Variants in GPR176 observed in about 807,000 individuals in gnomAD.
The protein encoded by GPR176 is G protein-coupled receptor 176.
A neutral mutation model predicts 35.4 loss-of-function variants in GPR176; 26 were observed. The ratio of observed to expected loss-of-function variants is 0.74; its 90% CI spans 0.54 to 1.02. GPR176 has a LOEUF of 1.02. Ranked by LOEUF, GPR176 falls within the 50% of genes least tolerant of loss-of-function variation. The probability of loss-of-function intolerance (pLI) is 0.00; values close to 1 mark genes in which losing one functional copy is unlikely to be tolerated. For synonymous variants in GPR176, 278 were observed against 271.3 expected (o/e 1.02, Z -0.24); for missense variants, 597 against 665.3 (o/e 0.90, Z 1.13).
At chr15:39,859,741 T>C (rs1254068508) in intron 1 of GPR176, among the ~76,000 whole-genome samples, 2 of 152,154 alleles carry the variant, frequency 1.3e-5, no homozygotes, top group East Asian at 1.9e-4. Context: ...ATCCCACTTA[T>C]ATGAGGTACC....
intron 1 of GPR176, among the ~76,000 whole-genome samples, chr15:39,903,494 A>G (rs144301365): frequency 2.6e-5 from 4 of 152,142 alleles, no homozygotes; most frequent in Non-Finnish European, 4.4e-5. Context: ...CCAGACAAAC[A>G]GGGAGAAGAA....
In GPR176 at chr15:39,801,248, G is replaced by C. The variant is rs200518627; in HGVS notation, c.1432C>G (p.Pro478Ala). The C allele has an allele frequency of 8.1e-6, 13 of 1,614,040 alleles. No individual in the cohort carries two copies. The highest frequency in any genetic ancestry group is 3.3e-5 in the South Asian group (3 of 91,088). ...AGCTCTTCTGGGGTGTTGCCCAAGG[G>C]GGGAAGCAGCCGCTTCTTGCTGTTT... ...TRNSKKRLLP[P>A]LGNTPEELIQ... Residue 478 changes from proline (P) to alanine (A), a missense_variant, in exon 3 of 3, where the codon CCC (proline) becomes GCC (alanine). By Grantham distance (27) the Pro-to-Ala change is conservative (BLOSUM62 -1). This residue lies in a region of GPR176 where 251 missense variants were observed against 255.4 expected (regional missense o/e 0.98). Transcript: ENST00000561100.
intron 1 of GPR176, among the ~76,000 whole-genome samples, chr15:39,856,505 C>T (rs2031230685): frequency 6.6e-6 from 1 of 152,196 alleles, no homozygotes; most frequent in South Asian, 2.1e-4. Context: ...TGGGGCATGG[C>T]TGCAGTCATC....
intron 1 of GPR176, among the ~76,000 whole-genome samples, chr15:39,913,220 G>C (rs979272186): frequency 6.6e-6 from 1 of 152,202 alleles, no homozygotes; most frequent in Non-Finnish European, 1.5e-5. Flanking sequence ...CATATTGTGT[G>C]ACAGATCTAT....
intron 1 of GPR176, among the ~76,000 whole-genome samples, chr15:39,821,445 G>T (rs539591703): frequency 6.6e-6 from 1 of 152,262 alleles, no homozygotes; most frequent in Admixed American, 6.5e-5. Flanking sequence ...GTTTCCATTA[G>T]TCTTGCCCTT....
intron 1 of GPR176, chr15:39,807,558 T>C: frequency 6.6e-7 from 1 of 1,519,720 alleles, no homozygotes; most frequent in Non-Finnish European, 8.8e-7. Flanking sequence ...AACAATTTGC[T>C]AGTTATTACT....
At chr15:39,870,350 G>A (rs1327849124) in intron 1 of GPR176, among the ~76,000 whole-genome samples, 4 of 152,088 alleles carry the variant, frequency 2.6e-5, no homozygotes, top group Admixed American at 2.6e-4. Context: ...TGGATATCTT[G>A]GGGGCCTACT....
chr15:39,919,018 C>T (rs934343757), intron 1 of GPR176, among the ~76,000 whole-genome samples: 2 of 152,202 alleles, frequency 1.3e-5, no homozygotes, highest in Non-Finnish European at 2.9e-5. Flanking sequence ...GTATGTTCAA[C>T]AGACCTTAAT....
intron 1 of GPR176, among the ~76,000 whole-genome samples, chr15:39,848,888 C>A (rs1595476839): frequency 7.4e-6 from 1 of 135,304 alleles, no homozygotes. Flanking sequence ...GATAAGCTCC[C>A]AACTCAAAAA....
intron 1 of GPR176, among the ~76,000 whole-genome samples, chr15:39,893,869 C>G (rs2032977360): frequency 6.9e-6 from 1 of 144,802 alleles, no homozygotes; most frequent in Admixed American, 6.7e-5. Context: ...GCAGAGGCGC[C>G]CCTCACCTCC....
chr15:39,850,556 G>A (rs754006895), intron 1 of GPR176, among the ~76,000 whole-genome samples: 3 of 152,168 alleles, frequency 2.0e-5, no homozygotes, highest in Admixed American at 6.6e-5. Flanking sequence ...AGGGGTTAAG[G>A]AGAGGGTTAA....
Position 39,801,766 on chromosome 15 carries a change from G to A in GPR176, c.914C>T (p.Ala305Val), listed in dbSNP as rs1232580434. The change falls in exon 3 of 3, where the codon GCT (alanine) becomes GTT (valine). Residue 305 changes from alanine (A) to valine (V), a missense_variant. Physicochemically the swap from Ala to Val is moderately conservative, Grantham distance 64. This residue lies in a region of GPR176 where 220 missense variants were observed against 297.6 expected (regional missense o/e 0.74). Coordinates refer to ENST00000561100, the MANE Select transcript of GPR176 (RefSeq NM_007223.3). ...PDTSVFLLLT[A>V]VWLPKVSLLA... is the part of the protein sequence containing the mutation. ...CAGGGAGACTTTGGGCAGCCAAACA[G>A]CAGTGAGCAGCAAGAAGACGGAAGT... The A allele has an allele frequency of 1.9e-6, 3 of 1,613,760 alleles. No individual in the cohort carries two copies. The highest frequency in any genetic ancestry group is 1.3e-5 in the African/African-American group (1 of 74,896).
intron 2 of GPR176, among the ~76,000 whole-genome samples, 199 bp downstream of exon 2, chr15:39,806,807 G>A (rs1595433250): frequency 6.6e-6 from 1 of 152,222 alleles, no homozygotes; most frequent in South Asian, 2.1e-4. Flanking sequence ...TTCTCTCAAT[G>A]GTTTTATTTT....
In GPR176 at chr15:39,801,656, A is replaced by G. The variant is rs1183203985; in HGVS notation, c.1024T>C (p.Tyr342His). 9 of 1,613,978 alleles carry G rather than the reference A, an allele frequency of 5.6e-6. No homozygotes were observed. The highest frequency in any genetic ancestry group is 7.6e-6 in the Non-Finnish European group (9 of 1,179,908). The change falls in exon 3 of 3, where the codon TAC becomes CAC. Residue 342 changes from tyrosine (Y) to histidine (H), a missense_variant. This residue lies in a region of GPR176 where 251 missense variants were observed against 255.4 expected (regional missense o/e 0.98). Transcript: ENST00000561100. ...GTACTGACCACATTACGGCGACTGT[A>G]CCGGTGGTGTAGTTGCACCAGGGTC... ...IGTLVQLHHR[Y>H]SRRNVVSTGS... is the part of the protein sequence containing the mutation.
intron 1 of GPR176, among the ~76,000 whole-genome samples, chr15:39,893,632 C>CGGG (rs1031208636): frequency 2.0e-5 from 3 of 152,118 alleles, no homozygotes. Context: ...ACCTCCCAGA[C>CGGG]GGGGTGGTGG....
chr15:39,840,612 C>T (rs956754901), intron 1 of GPR176, among the ~76,000 whole-genome samples: 1 of 151,906 alleles, frequency 6.6e-6, no homozygotes, highest in African/African-American at 2.4e-5. Flanking sequence ...GCACATGTAC[C>T]CTAGAACTTG....
chr15:39,838,709 A>G lies in GPR176; in HGVS notation c.173-31451T>C, dbSNP rs190051922. Among the ~76,000 whole-genome samples the G allele has an allele frequency of 4.3e-3, 660 of 152,272 alleles. 6 individuals carry two copies. The highest frequency in any genetic ancestry group is 0.015 in the African/African-American group (636 of 41,558). ...AAAATAATAAGAGCTATTTATGACA[A>G]ACCCACAGCCAGTATCAAACTGAAT... is the stretch of plus-strand genomic sequence containing the variant. On this transcript the variant is annotated intron_variant, in intron 1 of 2. Coordinates refer to ENST00000561100, the MANE Select transcript of GPR176 (RefSeq NM_007223.3).
At chr15:39,860,194 G>A (rs74008979) in intron 1 of GPR176, among the ~76,000 whole-genome samples, 3,270 of 152,270 alleles carry the variant, frequency 0.021, 112 homozygotes, top group African/African-American at 0.07. Context: ...GTGGATGAGA[G>A]GATGGGCAAT....
chr15:39,875,162 G>A (rs982617267), intron 1 of GPR176, among the ~76,000 whole-genome samples: 1 of 152,164 alleles, frequency 6.6e-6, no homozygotes, highest in African/African-American at 2.4e-5. Flanking sequence ...GTTGGTGCCA[G>A]GCAGAGTTCA....
Sources: gnomAD v4.1 joint callset for allele counts (sites outside exome capture counted in the v4.1 genomes callset) on GRCh38, gnomAD v4.1.1 for gene constraint, gnomAD v4.1.1 regional missense constraint, MANE v1.5 for transcripts, NCBI Gene and HGNC (gene_info 2026-07-23, HGNC 2026-07-21) for gene names.